Variants in RBM39 observed in about 807,000 individuals in gnomAD.
RBM39 encodes RNA binding motif protein 39, also known as RNA-binding protein 39.
RBM39 carries 12 observed loss-of-function variants against 79.6 expected under a neutral mutation model. That is an observed-to-expected ratio of 0.15 (90% confidence interval 0.10 to 0.24). The LOEUF (loss-of-function observed/expected upper bound fraction) is 0.24. Ranked by LOEUF, RBM39 falls within the 10% of genes least tolerant of loss-of-function variation. RBM39 has a pLI of 1.00. For missense variants in RBM39, 243 were observed against 653.4 expected, an observed-to-expected ratio of 0.37 and a Z score of 6.85; for synonymous variants, 185 against 208.4, an observed-to-expected ratio of 0.89 and a Z score of 0.97.
intron 8 of RBM39, among the ~76,000 whole-genome samples, chr20:35,722,777 C>G (rs981972679): frequency 2.0e-5 from 3 of 151,006 alleles, no homozygotes; most frequent in Non-Finnish European, 4.4e-5. Flanking sequence ...ACTAAAAATA[C>G]AAAAAAATTA....
intron 6 of RBM39, among the ~76,000 whole-genome samples, chr20:35,728,741 C>T (rs1454572159): frequency 6.6e-6 from 1 of 152,120 alleles, no homozygotes; most frequent in Non-Finnish European, 1.5e-5. Context: ...CCCACCACTG[C>T]ACTCCAGCCT....
At chr20:35,734,739 C>A in intron 3 of RBM39, 1 of 1,167,516 alleles carries the variant, frequency 8.6e-7, no homozygotes, top group Non-Finnish European at 1.1e-6. Context: ...CAGCAACATA[C>A]TAAGACATTC....
chr20:35,736,080 C>A (rs181868898), intron 3 of RBM39, among the ~76,000 whole-genome samples: 16 of 150,858 alleles, frequency 1.1e-4, no homozygotes, highest in Admixed American at 8.7e-4. Context: ...CCTTCTGGCA[C>A]TTGAAGCGAA....
intron 6 of RBM39, among the ~76,000 whole-genome samples, chr20:35,726,963 T>A (rs1198749697): frequency 6.6e-6 from 1 of 151,898 alleles, no homozygotes; most frequent in African/African-American, 2.4e-5. Context: ...TAACTGGGAT[T>A]ACACGCACGC....
At chr20:35,713,986 G>A (rs2036795791) in intron 11 of RBM39, 199 bp downstream of exon 11, 2 of 568,664 alleles carry the variant, frequency 3.5e-6, no homozygotes, top group South Asian at 4.7e-5. Context: ...CTTATACTGT[G>A]GCATTCAAAA....
chr20:35,739,839 T>C (rs1196317779), intron 2 of RBM39: 1 of 180,168 alleles, frequency 5.6e-6, no homozygotes. Context: ...ACAAATGTAT[T>C]ATTTTTAAAA....
At position 35,741,717 on chromosome 20, in the gene RBM39, G is replaced by C. The variant is rs45505691; in HGVS notation, c.-14+224C>G. ...CGCGGCCGGCCCAGGCCTCGAAGGA[G>C]ACAGGTCACCATTCTACCGCGGCCT... On this transcript the variant is annotated intron_variant, in intron 1 of 16. Coordinates refer to ENST00000253363, the MANE Select transcript of RBM39 (RefSeq NM_184234.3). 5.9e-3 allele frequency: 904 copies of C among 152,596 alleles called. 4 individuals carry two copies. The highest frequency in any genetic ancestry group is 0.013 in the Middle Eastern group (4 of 298). The allele number at this position is 152,596 out of a possible 1,614,324, so 9.5% of individuals were successfully genotyped here.
chr20:35,704,128 C>T lies in RBM39; in HGVS notation c.*353G>A, dbSNP rs1568976874. ...ACATTAGTGAAATGTGAAATGTAACCACTGTGTAAAAAGTTAGGCTTCTGA... is the reference window on the plus strand; with the variant it reads ...ACATTAGTGAAATGTGAAATGTAACTACTGTGTAAAAAGTTAGGCTTCTGA... On this transcript the variant is annotated 3_prime_UTR_variant, in exon 17 of 17. Coordinates refer to ENST00000253363, the MANE Select transcript of RBM39 (RefSeq NM_184234.3). 1 of 168,446 alleles carries T rather than the reference C, an allele frequency of 5.9e-6. No individual in the cohort carries two copies. The highest frequency in any genetic ancestry group is 5.7e-5 in the Admixed American group (1 of 17,616). The allele number at this position is 168,446 out of a possible 1,614,324, so 10.4% of individuals were successfully genotyped here. A position where few individuals can be genotyped will look rare whatever the true frequency, so the allele number is the denominator to read the frequency against.
chr20:35,734,767 G>C (rs1043751850), intron 3 of RBM39: 1 of 1,280,870 alleles, frequency 7.8e-7, no homozygotes, highest in Non-Finnish European at 1.0e-6. Context: ...ACAATCTTTT[G>C]CATAAAAGCC....
At chr20:35,713,666 CAAAAAAAAAAAAAAA>C (rs56909848) in intron 11 of RBM39, 22 of 34,722 alleles carry the variant, frequency 6.3e-4, no homozygotes, top group Admixed American at 1.8e-3. Flanking sequence ...CCAACCAACA[CAAAAAAAAAAAAAAA>C]AAAAAAAAAA....
intron 2 of RBM39, chr20:35,739,912 T>C (rs2040344951): frequency 6.1e-6 from 1 of 165,210 alleles, no homozygotes; most frequent in Non-Finnish European, 1.3e-5. Flanking sequence ...AGTGCTAACT[T>C]ACAAAGCTTA....
chr20:35,713,500 T>C (rs953658192), intron 11 of RBM39: 5 of 158,390 alleles, frequency 3.2e-5, no homozygotes, highest in African/African-American at 1.2e-4. Context: ...TAATTTTTTA[T>C]TTTTAGCAGA....
At chr20:35,709,344 A>G in intron 12 of RBM39, 70 bp from the exon 13 acceptor site, 1 of 1,314,326 alleles carries the variant, frequency 7.6e-7, no homozygotes, top group East Asian at 2.3e-5. Flanking sequence ...CATTAATAAA[A>G]GAGGACTACA....
chr20:35,726,671 C>A (rs1219339808), intron 6 of RBM39, among the ~76,000 whole-genome samples: 2 of 152,186 alleles, frequency 1.3e-5, no homozygotes, highest in African/African-American at 4.8e-5. Flanking sequence ...AATTTAGATA[C>A]AGTGTCTATT....
chr20:35,740,967 C>A, intron 1 of RBM39, 80 bp from the exon 2 acceptor site: 1 of 868,490 alleles, frequency 1.2e-6, no homozygotes, highest in Admixed American at 2.5e-5. Flanking sequence ...TTGCCTATAT[C>A]GTCTAACATT....
intron 3 of RBM39, chr20:35,736,578 A>G (rs2039936144): frequency 8.5e-6 from 4 of 470,752 alleles, no homozygotes; most frequent in South Asian, 4.6e-5. Flanking sequence ...CTTAGGAGGA[A>G]AAGAGCCAAA....
At chr20:35,732,886 G>T (rs1011515104) in intron 3 of RBM39, 2 of 152,122 alleles carry the variant, frequency 1.3e-5, no homozygotes, top group Non-Finnish European at 2.9e-5. Flanking sequence ...ATCAAATATA[G>T]TAATTTACCA....
At chr20:35,717,302 A>C (rs1372371543) in intron 9 of RBM39, among the ~76,000 whole-genome samples, 1 of 152,028 alleles carries the variant, frequency 6.6e-6, no homozygotes, top group Non-Finnish European at 1.5e-5. Flanking sequence ...AAAAACAAAA[A>C]AAAAAAACAA....
intron 8 of RBM39, 37 bp from the exon 9 acceptor site, chr20:35,721,914 A>C: frequency 6.2e-7 from 1 of 1,602,372 alleles, no homozygotes; most frequent in Non-Finnish European, 8.5e-7. Context: ...GAGATAACAC[A>C]CAGCAGTTTA....
Sources: allele counts gnomAD v4.1 joint callset (sites outside exome capture counted in the v4.1 genomes callset), GRCh38; gene constraint gnomAD v4.1.1; transcripts MANE v1.5; gene names NCBI Gene and HGNC (gene_info 2026-07-23, HGNC 2026-07-21).